Variants in ZFAND3 observed in about 807,000 individuals in gnomAD.
The protein encoded by ZFAND3 is zinc finger AN1-type containing 3, also known as AN1-type zinc finger protein 3.
ZFAND3 carries 10 observed loss-of-function variants against 29.6 expected under a neutral mutation model. The observed-to-expected ratio is 0.34, with a 90% confidence interval of 0.21 to 0.57. The LOEUF (loss-of-function observed/expected upper bound fraction) is 0.57. Ranked by LOEUF, ZFAND3 falls within the 20% of genes least tolerant of loss-of-function variation. The pLI, the probability that ZFAND3 is intolerant of heterozygous loss-of-function variation, is 0.86. For synonymous variants in ZFAND3, 128 were observed against 112.6 expected (o/e 1.14, Z -0.87); for missense variants, 230 against 304.5 (o/e 0.76, Z 1.82).
intron 2 of ZFAND3, among the ~76,000 whole-genome samples, chr6:38,026,252 T>G (rs546574244): frequency 1.3e-5 from 2 of 152,226 alleles, no homozygotes; most frequent in East Asian, 3.9e-4. Context: ...TCATAAATCC[T>G]GTTTCTCTAG....
intron 1 of ZFAND3, among the ~76,000 whole-genome samples, chr6:37,825,727 C>T (rs750555456): frequency 4.2e-4 from 64 of 152,120 alleles, no homozygotes; most frequent in Admixed American, 2.4e-3. Flanking sequence ...CTTTATAATC[C>T]TTAATGGTAT....
At chr6:37,876,132 A>G (rs185379596) in intron 1 of ZFAND3, among the ~76,000 whole-genome samples, 22 of 152,310 alleles carry the variant, frequency 1.4e-4, no homozygotes, top group Non-Finnish European at 2.9e-4. Flanking sequence ...AACAAATTGG[A>G]AAAGGTGAAG....
chr6:37,964,295 G>T (rs1762253772), intron 2 of ZFAND3, among the ~76,000 whole-genome samples: 2 of 152,176 alleles, frequency 1.3e-5, no homozygotes, highest in African/African-American at 4.8e-5. Context: ...CATGCTACAG[G>T]ACCAGAAGGG....
intron 3 of ZFAND3, 125 bp from the exon 4 acceptor site, chr6:38,082,267 A>T: frequency 1.2e-6 from 1 of 806,576 alleles, no homozygotes; most frequent in Non-Finnish European, 1.9e-6. Flanking sequence ...CTTTCCTACT[A>T]CTTCTCCTCG....
intron 1 of ZFAND3, among the ~76,000 whole-genome samples, chr6:37,841,357 C>T (rs1260837950): frequency 6.9e-6 from 1 of 144,496 alleles, no homozygotes; most frequent in Non-Finnish European, 1.6e-5. Context: ...GCTTTCCATC[C>T]TTCTATCCAT....
chr6:37,862,743 C>T (rs1356490206), intron 1 of ZFAND3, among the ~76,000 whole-genome samples: 1 of 151,766 alleles, frequency 6.6e-6, no homozygotes, highest in Non-Finnish European at 1.5e-5. Context: ...ACAAAGTGCC[C>T]TGGGCCTTCA....
At chr6:37,901,549 T>C (rs1765318503) in intron 1 of ZFAND3, among the ~76,000 whole-genome samples, 1 of 152,054 alleles carries the variant, frequency 6.6e-6, no homozygotes, top group South Asian at 2.1e-4. Context: ...GCCCAGGAGA[T>C]TGAGGCTGCA....
Position 38,047,647 on chromosome 6 carries a change from A to G in ZFAND3, c.113-13946A>G, listed in dbSNP as rs564500041. On this transcript the variant is annotated intron_variant, in intron 2 of 5. Transcript: ENST00000287218. Reference sequence around the variant, plus strand: ...GACTTCTTTTAGCCAATAAAATGTTAATGAAAAATTTATTTGGCTTTTATG... The same window carrying G: ...GACTTCTTTTAGCCAATAAAATGTTGATGAAAAATTTATTTGGCTTTTATG... Among the ~76,000 whole-genome samples, 11 of 152,250 alleles carry G rather than the reference A, an allele frequency of 7.2e-5. No individual in the cohort carries two copies. The South Asian group carries it at 2.1e-3, about 29-fold the overall frequency.
At chr6:37,878,319 A>G (rs534589933) in intron 1 of ZFAND3, among the ~76,000 whole-genome samples, 25 of 152,290 alleles carry the variant, frequency 1.6e-4, no homozygotes, top group Admixed American at 9.8e-4. Context: ...ATGCAGCACT[A>G]TGTGTGAGCC....
At chr6:38,097,248 C>CTTTTTT (rs1491155525) in intron 4 of ZFAND3, among the ~76,000 whole-genome samples, 1 of 124,050 alleles carries the variant, frequency 8.1e-6, no homozygotes, top group African/African-American at 3.0e-5. Context: ...GTTAATTTTT[C>CTTTTTT]ATTTTTTTTT....
chr6:38,071,013 CTTAT>C (rs1261021076), intron 3 of ZFAND3, among the ~76,000 whole-genome samples: 3 of 150,056 alleles, frequency 2.0e-5, no homozygotes, highest in Non-Finnish European at 4.4e-5. Context: ...TTGTTCTTTG[CTTAT>C]TTATTTTTTA....
intron 2 of ZFAND3, among the ~76,000 whole-genome samples, chr6:37,965,442 T>C (rs1762276152): frequency 6.6e-6 from 1 of 152,216 alleles, no homozygotes; most frequent in South Asian, 2.1e-4. Context: ...ATAAGGTTAA[T>C]AGCGAGTAGC....
intron 2 of ZFAND3, among the ~76,000 whole-genome samples, chr6:38,056,662 G>T (rs1008734384): frequency 6.6e-6 from 1 of 152,172 alleles, no homozygotes; most frequent in Non-Finnish European, 1.5e-5. Context: ...GAAGATTGAC[G>T]TGTGAAAAAT....
At chr6:37,969,077 G>A (rs1367964812) in intron 2 of ZFAND3, among the ~76,000 whole-genome samples, 1 of 152,188 alleles carries the variant, frequency 6.6e-6, no homozygotes, top group East Asian at 1.9e-4. Flanking sequence ...AACCTGTGCA[G>A]CATGTGACTG....
intron 1 of ZFAND3, among the ~76,000 whole-genome samples, chr6:37,928,764 C>T (rs1212421825): frequency 6.6e-6 from 1 of 152,122 alleles, no homozygotes; most frequent in African/African-American, 2.4e-5. Flanking sequence ...ATTCCGCCCA[C>T]CCCTCAGCCT....
chr6:38,133,343 T>C (rs1765778711), intron 5 of ZFAND3, among the ~76,000 whole-genome samples: 1 of 152,214 alleles, frequency 6.6e-6, no homozygotes, highest in Non-Finnish European at 1.5e-5. Flanking sequence ...GTGAGATCCC[T>C]GCGTCTTGCA....
At chr6:37,907,767 G>GTA (rs1765435734) in intron 1 of ZFAND3, among the ~76,000 whole-genome samples, 1 of 152,172 alleles carries the variant, frequency 6.6e-6, no homozygotes, top group Non-Finnish European at 1.5e-5. Flanking sequence ...GAAGTAAGTA[G>GTA]TATAGCAAAC....
At chr6:38,045,509 T>C (rs1036311102) in intron 2 of ZFAND3, among the ~76,000 whole-genome samples, 1 of 152,202 alleles carries the variant, frequency 6.6e-6, no homozygotes, top group African/African-American at 2.4e-5. Context: ...TCTAATGCAG[T>C]TCATGTAAAA....
Position 38,025,301 on chromosome 6 carries a change from T to C in ZFAND3, c.113-36292T>C, listed in dbSNP as rs531968003. Among the ~76,000 whole-genome samples, 11 of 152,370 alleles carry C rather than the reference T, an allele frequency of 7.2e-5. No homozygotes were observed. In the South Asian group the frequency reaches 2.3e-3, roughly 32 times the overall value. On this transcript the variant is annotated intron_variant, in intron 2 of 5. Coordinates refer to ENST00000287218, the MANE Select transcript of ZFAND3 (RefSeq NM_021943.3). ...TTTTTTTAGTCACATCAATACTTTT[T>C]CATAATTACTGGTGGTACTTTCACC...
Sources: allele counts gnomAD v4.1 joint callset (sites outside exome capture counted in the v4.1 genomes callset), GRCh38; gene constraint gnomAD v4.1.1; transcripts MANE v1.5; gene names NCBI Gene and HGNC (gene_info 2026-07-23, HGNC 2026-07-21).